Variants in FGF1 observed in about 807,000 individuals in gnomAD.
FGF1 encodes the protein beta-endothelial cell growth factor.
Under a neutral mutation model 13.4 loss-of-function variants are expected in FGF1, and 9 were observed. The ratio of observed to expected loss-of-function variants is 0.67; its 90% CI spans 0.40 to 1.17. The LOEUF (loss-of-function observed/expected upper bound fraction) is 1.17. Ranked by LOEUF, FGF1 falls within the 50% of genes most tolerant of loss-of-function variation. The pLI is 0.01. For missense variants in FGF1, 156 were observed against 192.7 expected, an observed-to-expected ratio of 0.81 and a Z score of 1.13; for synonymous variants, 93 against 79.0, an observed-to-expected ratio of 1.18 and a Z score of -0.94.
Position 142,664,154 on chromosome 5 carries a change from A to C in FGF1, c.-35+21803T>G, listed in dbSNP as rs138306860. ...GCACAGATGAGCCCCAGGGGGAGGAAGGAGGCAAAGTGTTCTTTTTTCCTG... is the reference window on the plus strand; with the variant it reads ...GCACAGATGAGCCCCAGGGGGAGGACGGAGGCAAAGTGTTCTTTTTTCCTG... On this transcript the variant is annotated intron_variant, in intron 1 of 3. Coordinates refer to ENST00000337706, the MANE Select transcript of FGF1 (RefSeq NM_000800.5). 6.1e-3 allele frequency among the ~76,000 whole-genome samples: 934 copies of C among 152,286 alleles called. 9 individuals carry two copies. The highest frequency in any genetic ancestry group is 0.021 in the African/African-American group (890 of 41,544).
chr5:142,647,705 G>A (rs1766420512), intron 1 of FGF1, among the ~76,000 whole-genome samples: 2 of 152,076 alleles, frequency 1.3e-5, no homozygotes, highest in South Asian at 4.1e-4. Flanking sequence ...ACAAAGTTTT[G>A]ACTGCATTTT....
intron 1 of FGF1, among the ~76,000 whole-genome samples, chr5:142,684,162 T>G (rs1360213183): frequency 6.6e-6 from 1 of 152,228 alleles, no homozygotes. Flanking sequence ...ATAGTTTATG[T>G]GTAGTTCACA....
chr5:142,670,762 G>C (rs1771304001), intron 1 of FGF1, among the ~76,000 whole-genome samples: 1 of 152,186 alleles, frequency 6.6e-6, no homozygotes, highest in Non-Finnish European at 1.5e-5. Flanking sequence ...GACTTCAGGG[G>C]TTTTGCCCTG....
intron 2 of FGF1, among the ~76,000 whole-genome samples, chr5:142,605,495 G>C (rs535901981): frequency 9.2e-5 from 14 of 152,200 alleles, no homozygotes; most frequent in African/African-American, 2.9e-4. Context: ...GCACCCACTT[G>C]TCTGGCCATG....
chr5:142,666,069 C>T (rs574210808), intron 1 of FGF1, among the ~76,000 whole-genome samples: 2 of 152,090 alleles, frequency 1.3e-5, no homozygotes, highest in South Asian at 2.1e-4. Context: ...ACTTTGACTG[C>T]CAGTGGAATT....
intron 3 of FGF1, among the ~76,000 whole-genome samples, chr5:142,599,372 A>G (rs888657119): frequency 6.6e-6 from 1 of 152,222 alleles, no homozygotes; most frequent in South Asian, 2.1e-4. Context: ...GAGGAAACGA[A>G]GCTGTGTTCA....
chr5:142,655,602 C>T (rs1324045973), intron 1 of FGF1, among the ~76,000 whole-genome samples: 1 of 152,206 alleles, frequency 6.6e-6, no homozygotes, highest in Non-Finnish European at 1.5e-5. Flanking sequence ...ATCCCAATAG[C>T]TTAACTCAGA....
intron 2 of FGF1, among the ~76,000 whole-genome samples, chr5:142,605,828 G>C (rs535329898): frequency 6.6e-6 from 1 of 152,144 alleles, no homozygotes; most frequent in Non-Finnish European, 1.5e-5. Flanking sequence ...TAGCTGGCTT[G>C]GTGTCCAGCT....
intron 1 of FGF1, among the ~76,000 whole-genome samples, chr5:142,619,700 G>A (rs1452046603): frequency 2.6e-5 from 4 of 152,188 alleles, no homozygotes; most frequent in East Asian, 1.9e-4. Context: ...GGGCATGGTG[G>A]CGCATGCCTG....
chr5:142,616,886 C>T (rs1018521769), intron 1 of FGF1, among the ~76,000 whole-genome samples: 1 of 152,212 alleles, frequency 6.6e-6, no homozygotes, highest in Non-Finnish European at 1.5e-5. Flanking sequence ...CCAAGCACTT[C>T]CTAAGTTATG....
At chr5:142,672,797 C>A (rs1319132967) in intron 1 of FGF1, among the ~76,000 whole-genome samples, 2 of 152,056 alleles carry the variant, frequency 1.3e-5, no homozygotes, top group Non-Finnish European at 2.9e-5. Context: ...GAGCCACCGC[C>A]CCCTGCCTTC....
At chr5:142,687,900 T>C (rs191368938), upstream of FGF1, among the ~76,000 whole-genome samples, 2 of 152,198 alleles carry the variant, frequency 1.3e-5, no homozygotes, top group Non-Finnish European at 2.9e-5. Flanking sequence ...GGGCTCCAGA[T>C]TCCCCCCCTC....
At chr5:142,630,438 C>T (rs1763185751) in intron 1 of FGF1, among the ~76,000 whole-genome samples, 1 of 152,082 alleles carries the variant, frequency 6.6e-6, no homozygotes, top group Non-Finnish European at 1.5e-5. Context: ...GCTCTTGGCC[C>T]CCTCCCATCA....
chr5:142,626,661 TGGCCTGTCCTCTTCACC>T (rs1561597389), intron 1 of FGF1: 1 of 152,262 alleles, frequency 6.6e-6, no homozygotes, highest in East Asian at 1.9e-4. Flanking sequence ...CCTCCCCTGA[TGGCCTGTCCTCTTCACC>T]GGGGTGCAGC....
At chr5:142,684,572 A>G (rs547274903) in intron 1 of FGF1, among the ~76,000 whole-genome samples, 1 of 152,336 alleles carries the variant, frequency 6.6e-6, no homozygotes, top group African/African-American at 2.4e-5. Flanking sequence ...TCAACATCTC[A>G]AGAGGGGACT....
intron 2 of FGF1, among the ~76,000 whole-genome samples, chr5:142,609,127 G>T (rs913152207): frequency 6.6e-6 from 1 of 152,160 alleles, no homozygotes; most frequent in Non-Finnish European, 1.5e-5. Context: ...CAGGGCAGGA[G>T]GCATTTCATG....
chr5:142,667,830 C>T (rs1421970156), intron 1 of FGF1, among the ~76,000 whole-genome samples: 1 of 152,158 alleles, frequency 6.6e-6, no homozygotes, highest in Non-Finnish European at 1.5e-5. Context: ...TTGTTCATGC[C>T]CTGGAAAGGA....
chr5:142,653,530 C>T (rs532565233), intron 1 of FGF1, among the ~76,000 whole-genome samples: 6 of 152,244 alleles, frequency 3.9e-5, no homozygotes, highest in Admixed American at 3.9e-4. Context: ...CCCTGGGATA[C>T]GTCACGTGCC....
At chr5:142,678,258 C>T (rs1001237709) in intron 1 of FGF1, among the ~76,000 whole-genome samples, 1 of 152,158 alleles carries the variant, frequency 6.6e-6, no homozygotes, top group Non-Finnish European at 1.5e-5. Context: ...CAAATCCAGT[C>T]CCTCTGCTCA....
Sources: gnomAD v4.1 joint callset for allele counts (sites outside exome capture counted in the v4.1 genomes callset) on GRCh38, gnomAD v4.1.1 for gene constraint, MANE v1.5 for transcripts, NCBI Gene and HGNC (gene_info 2026-07-23, HGNC 2026-07-21) for gene names.